The following MCTP2 variants were observed in gnomAD, a reference collection of about 807,000 sequenced individuals.
MCTP2 encodes the protein multiple C2 and transmembrane domain-containing protein 2.
A neutral mutation model predicts 111.6 loss-of-function variants in MCTP2; 132 were observed. The ratio of observed to expected loss-of-function variants is 1.18; its 90% confidence interval spans 1.03 to 1.37. The LOEUF (loss-of-function observed/expected upper bound fraction) is 1.37. MCTP2 is among the 40% of genes most tolerant of loss of function. The pLI, the probability that MCTP2 is intolerant of heterozygous loss-of-function variation, is 0.00. For missense variants in MCTP2, 1,183 were observed against 1,067.9 expected, an observed-to-expected ratio of 1.11 and a Z score of -1.50; for synonymous variants, 395 against 387.7, an observed-to-expected ratio of 1.02 and a Z score of -0.22.
intron 1 of MCTP2, among the ~76,000 whole-genome samples, chr15:94,245,590 A>G (rs1204918355): frequency 6.9e-6 from 1 of 144,810 alleles, no homozygotes; most frequent in African/African-American, 2.5e-5. Flanking sequence ...ATATGTACAT[A>G]TACGTATATA....
At chr15:94,464,260 T>TATATATATATATTATATATATATA (rs2085431782) in intron 20 of MCTP2, among the ~76,000 whole-genome samples, 3 of 38,710 alleles carry the variant, frequency 7.7e-5, no homozygotes, top group African/African-American at 2.8e-4. Flanking sequence ...ATATATATTA[T>TATATATATATATTATATATATATA]ATATATATAT....
chr15:94,363,333 G>A (rs2079034634), intron 10 of MCTP2, among the ~76,000 whole-genome samples: 1 of 152,148 alleles, frequency 6.6e-6, no homozygotes, highest in South Asian at 2.1e-4. Flanking sequence ...GCAGTAGGTG[G>A]AATGAGGGCT....
chr15:94,247,765 C>T (rs1361560426), intron 1 of MCTP2, among the ~76,000 whole-genome samples: 1 of 152,110 alleles, frequency 6.6e-6, no homozygotes, highest in Non-Finnish European at 1.5e-5. Flanking sequence ...TTCCAAAAAG[C>T]TTAACAGTTA....
intron 1 of MCTP2, among the ~76,000 whole-genome samples, chr15:94,271,613 A>T (rs192950185): frequency 6.6e-6 from 1 of 152,284 alleles, no homozygotes; most frequent in African/African-American, 2.4e-5. Context: ...TACTGGCTTG[A>T]TGTTTTAGAA....
intron 19 of MCTP2, among the ~76,000 whole-genome samples, chr15:94,454,622 T>A (rs1567740987): frequency 6.6e-6 from 1 of 151,972 alleles, no homozygotes; most frequent in Non-Finnish European, 1.5e-5. Context: ...AACCCTAAAT[T>A]ATGGTCATAA....
chr15:94,242,317 G>T (rs1319030663), intron 1 of MCTP2, among the ~76,000 whole-genome samples: 1 of 152,132 alleles, frequency 6.6e-6, no homozygotes, highest in African/African-American at 2.4e-5. Flanking sequence ...GATGCCTGTG[G>T]ATATTAGTAA....
intron 19 of MCTP2, among the ~76,000 whole-genome samples, chr15:94,445,892 C>T (rs542172750): frequency 1.3e-5 from 2 of 152,200 alleles, no homozygotes; most frequent in Non-Finnish European, 2.9e-5. Flanking sequence ...TGCCAGTGCT[C>T]CTTCCCACCA....
At chr15:94,296,235 A>G (rs918565596) in intron 1 of MCTP2, among the ~76,000 whole-genome samples, 8 of 152,352 alleles carry the variant, frequency 5.3e-5, no homozygotes, top group African/African-American at 1.9e-4. Context: ...CGTATTTGCA[A>G]GTCAAGTTAT....
In MCTP2 at chr15:94,399,397, C is replaced by T. The variant is rs191647180; in HGVS notation, c.1890+335C>T. 121 of 211,972 alleles carry T rather than the reference C, an allele frequency of 5.7e-4. No individual in the cohort carries two copies. The East Asian group carries it at 6.4e-3, about 11-fold the overall frequency. The allele number at this position is 211,972 out of a possible 1,614,324, so 13.1% of individuals were successfully genotyped here. On this transcript the variant is annotated intron_variant, in intron 15 of 22. Transcript: ENST00000357742. ...GAATCTGATTCTTTGGGGTCTTACT[C>T]AGTCTGGTGGTTTGAACAAGTGCTA...
intron 17 of MCTP2, among the ~76,000 whole-genome samples, chr15:94,409,621 A>C (rs1212763557): frequency 6.6e-6 from 1 of 152,008 alleles, no homozygotes; most frequent in Admixed American, 6.6e-5. Context: ...CTTAAAGAAA[A>C]GACTCCAGAG....
rs68175885 is a variant in MCTP2 at position 94,268,778 on chromosome 15, C to CTT, written c.-65-29408_-65-29407dup. Among the ~76,000 whole-genome samples, 1,227 of 137,972 alleles carry CTT rather than the reference C, an allele frequency of 8.9e-3. 11 individuals are homozygous for CTT. Among genetic ancestry groups the CTT allele is most frequent in the Non-Finnish European group, 0.014 (897 of 64,372 alleles). The allele number at this position is 137,972 out of a possible 152,430, so 90.5% of individuals were successfully genotyped here. ...TACTCAGGTAACATTTCTACATTGA[C>CTT]TTTTTTTTTTTTTTTTGAGGAGATA... On this transcript the variant is annotated intron_variant, in intron 1 of 22. Transcript: ENST00000357742.
rs183400180 is a variant in MCTP2, at chr15:94,482,808, A to G, written c.*3774A>G. On this transcript the variant is annotated 3_prime_UTR_variant, in exon 23 of 23. Coordinates refer to ENST00000357742, the MANE Select transcript of MCTP2 (RefSeq NM_001385001.1). The stretch of plus-strand genomic sequence containing the variant: ...ACGGGTAAATACAGAGGAGAAAAAC[A>G]GTAAGCATGGACTGTCCTAGAATTC... 373 of 152,362 alleles carry G rather than the reference A, an allele frequency of 2.4e-3. 1 individual carries two copies. Among genetic ancestry groups the G allele is most frequent in the African/African-American group, 8.2e-3 (341 of 41,584 alleles). 9.4% of individuals were successfully genotyped at this position (152,362 alleles called of 1,614,324 possible).
At chr15:94,250,579 T>C (rs1296762492) in intron 1 of MCTP2, among the ~76,000 whole-genome samples, 2 of 152,196 alleles carry the variant, frequency 1.3e-5, no homozygotes, top group Non-Finnish European at 2.9e-5. Context: ...GCTAAATGAA[T>C]TTATACCTTA....
intron 14 of MCTP2, among the ~76,000 whole-genome samples, chr15:94,396,362 A>G (rs556284898): frequency 1.3e-5 from 2 of 152,116 alleles, no homozygotes; most frequent in Non-Finnish European, 2.9e-5. Flanking sequence ...ATTATTTAAT[A>G]GAAGCTTTAA....
At chr15:94,264,799 G>A (rs2073416765) in intron 1 of MCTP2, among the ~76,000 whole-genome samples, 1 of 152,092 alleles carries the variant, frequency 6.6e-6, no homozygotes. Flanking sequence ...AACAAAAGAA[G>A]GGGAGGAATT....
chr15:94,470,474 CA>C lies in MCTP2; in HGVS notation c.2470+34del, dbSNP rs773171203. The C allele has an allele frequency of 2.0e-5, 27 of 1,369,582 alleles. No individual in the cohort carries two copies. The South Asian group carries it at 2.8e-4, about 14-fold the overall frequency. The allele number at this position is 1,369,582 out of a possible 1,614,324, so 84.8% of individuals were successfully genotyped here. On this transcript the variant is annotated intron_variant, in intron 21 of 22. Coordinates refer to ENST00000357742, the MANE Select transcript of MCTP2 (RefSeq NM_001385001.1). ...TTGGAATGGTCCTTTTGCTAGCAAT[CA>C]ATTCCAGGTAAGAACCAATTACTCA...
chr15:94,399,012 C>T lies in MCTP2; in HGVS notation c.1840C>T (p.Gln614Ter), dbSNP rs751706939. 5 of 1,566,040 alleles carry T rather than the reference C, an allele frequency of 3.2e-6. No homozygotes were observed. In the East Asian group the frequency reaches 9.0e-5, roughly 28 times the overall value. Residue 614 changes from glutamine (Q) to a stop codon, truncating the protein, a stop_gained, in exon 15 of 23, where the codon CAA (glutamine) becomes TAA (stop). Coordinates refer to ENST00000357742, the MANE Select transcript of MCTP2 (RefSeq NM_001385001.1). LOFTEE classifies it high-confidence loss of function. ...TGTACTAAAGAATAAAGATTTAGAA[C>T]AAGCTTTTAAAGGAGTTATTTACTT... Reference protein sequence around the residue: ...CYVLKNKDLEQAFKGVIYLEM... With the variant: ...CYVLKNKDLE
intron 1 of MCTP2, among the ~76,000 whole-genome samples, chr15:94,255,705 A>C (rs1194706324): frequency 6.6e-6 from 1 of 152,032 alleles, no homozygotes; most frequent in African/African-American, 2.4e-5. Context: ...GCCGTGGTCA[A>C]CTCTGTACTG....
At chr15:94,405,381 C>T (rs941929149) in intron 17 of MCTP2, among the ~76,000 whole-genome samples, 2 of 152,158 alleles carry the variant, frequency 1.3e-5, no homozygotes, top group African/African-American at 4.8e-5. Context: ...GCAAACCATA[C>T]GTTTTCCATG....
Sources: gnomAD v4.1 joint callset for allele counts (sites outside exome capture counted in the v4.1 genomes callset) on GRCh38, gnomAD v4.1.1 for gene constraint, MANE v1.5 for transcripts, NCBI Gene and HGNC (gene_info 2026-07-23, HGNC 2026-07-21) for gene names.